Variants in ACER2 observed in about 807,000 individuals in gnomAD.
ACER2 encodes the protein alkCDase 2.
In ACER2, 26 loss-of-function variants were observed where a neutral mutation model predicts 34.7. The observed-to-expected ratio is 0.75, with a 90% CI of 0.55 to 1.04. ACER2 has a LOEUF of 1.04. ACER2 is among the 50% of genes least tolerant of loss of function. ACER2 has a pLI of 0.00. For synonymous variants in ACER2, 138 were observed against 132.1 expected (o/e 1.04, Z -0.31); for missense variants, 352 against 340.8 (o/e 1.03, Z -0.26).
chr9:19,411,847 C>A (rs1425176818), intron 1 of ACER2, among the ~76,000 whole-genome samples: 1 of 152,166 alleles, frequency 6.6e-6, no homozygotes, highest in African/African-American at 2.4e-5. Context: ...ATACTACTGT[C>A]TACCATTACT....
intron 5 of ACER2, among the ~76,000 whole-genome samples, chr9:19,449,670 G>A (rs923713284): frequency 2.6e-5 from 4 of 152,148 alleles, no homozygotes; most frequent in African/African-American, 7.2e-5. Context: ...GATTACCTGA[G>A]GTCAGGAGTT....
At chr9:19,409,711 T>C (rs1319616530) in intron 1 of ACER2, 2 of 981,760 alleles carry the variant, frequency 2.0e-6, no homozygotes, top group East Asian at 1.1e-4. Context: ...ATGCCTATAA[T>C]GGTCGAGTTA....
intron 1 of ACER2, among the ~76,000 whole-genome samples, chr9:19,411,853 T>C (rs1161643361): frequency 6.6e-6 from 1 of 152,204 alleles, no homozygotes; most frequent in African/African-American, 2.4e-5. Flanking sequence ...CTGTCTACCA[T>C]TACTTAATTG....
At chr9:19,435,696 G>C (rs1589056664) in intron 4 of ACER2, among the ~76,000 whole-genome samples, 1 of 152,074 alleles carries the variant, frequency 6.6e-6, no homozygotes, top group East Asian at 1.9e-4. Flanking sequence ...AAGTTGCAGT[G>C]AGCTGAGATC....
chr9:19,426,519 T>C (rs993376159), intron 3 of ACER2, among the ~76,000 whole-genome samples: 8 of 152,086 alleles, frequency 5.3e-5, no homozygotes, highest in African/African-American at 1.9e-4. Context: ...GGAATCGCTT[T>C]TCTCAGATAT....
At chr9:19,429,465 G>C (rs551378838) in intron 3 of ACER2, among the ~76,000 whole-genome samples, 190 of 152,104 alleles carry the variant, frequency 1.2e-3, no homozygotes, top group Middle Eastern at 6.8e-3. Context: ...CCAAGTGGCT[G>C]GGACCACAGC....
chr9:19,427,216 G>T (rs1830598472), intron 3 of ACER2, among the ~76,000 whole-genome samples: 1 of 152,202 alleles, frequency 6.6e-6, no homozygotes. Flanking sequence ...CATGGAGAGG[G>T]CTCAGTCAAA....
chr9:19,447,281 A>G (rs1831403602), intron 5 of ACER2, among the ~76,000 whole-genome samples: 1 of 152,206 alleles, frequency 6.6e-6, no homozygotes, highest in Admixed American at 6.5e-5. Flanking sequence ...TTAGATCTAG[A>G]TTCAGGAAAA....
At chr9:19,409,649 C>A in intron 1 of ACER2, 1 of 739,416 alleles carries the variant, frequency 1.4e-6, no homozygotes, top group Non-Finnish European at 1.7e-6. Flanking sequence ...CCCCGCAGGT[C>A]CCCGCGGCTG....
At position 19,451,800 on chromosome 9, in the gene ACER2, T is replaced by A. The variant is rs567865371; in HGVS notation, c.*1164T>A. ...GAAGTTTTTGGAAACGTTTTCTCAT[T>A]TGAAGCCTCCAGTATGCTGTACTAT... On this transcript the variant is annotated 3_prime_UTR_variant, in exon 6 of 6. Coordinates refer to ENST00000340967, the MANE Select transcript of ACER2 (RefSeq NM_001010887.3). 34 of 152,364 alleles carry A rather than the reference T, an allele frequency of 2.2e-4. No homozygotes were observed. Among genetic ancestry groups the A allele is most frequent in the African/African-American group, 8.2e-4 (34 of 41,590 alleles). The allele number at this position is 152,364 out of a possible 1,614,324, so 9.4% of individuals were successfully genotyped here. A position where few individuals can be genotyped will look rare whatever the true frequency, so the allele number is the denominator to read the frequency against.
intron 3 of ACER2, among the ~76,000 whole-genome samples, chr9:19,431,998 A>G (rs766002583): frequency 6.6e-6 from 1 of 152,228 alleles, no homozygotes; most frequent in Non-Finnish European, 1.5e-5. Context: ...AATTGAAGTC[A>G]TGAATGAGGC....
rs1339809048 is a variant in ACER2, at chr9:19,444,769, G to C, written c.504-1512G>C. The stretch of plus-strand genomic sequence containing the variant: ...GGCGAGGCATTCAAGGTAGAGAGTG[G>C]TAATCGAAAGCGAGAAATGGAAATT... On this transcript the variant is annotated intron_variant, in intron 4 of 5. Transcript: ENST00000340967. 2.0e-5 allele frequency among the ~76,000 whole-genome samples: 3 copies of C among 152,330 alleles called. No individual in the cohort carries two copies. In the East Asian group the frequency reaches 5.8e-4, roughly 29 times the overall value.
intron 1 of ACER2, chr9:19,409,737 A>G (rs1239397346): frequency 1.0e-6 from 1 of 984,962 alleles, no homozygotes; most frequent in Non-Finnish European, 1.2e-6. Flanking sequence ...GGTCAGAATC[A>G]AGTTAATTAC....
intron 4 of ACER2, among the ~76,000 whole-genome samples, chr9:19,444,053 C>T (rs1030287022): frequency 2.0e-5 from 3 of 150,956 alleles, no homozygotes; most frequent in African/African-American, 4.9e-5. Flanking sequence ...TGAGAGAATG[C>T]GCTAAGGCAG....
intron 3 of ACER2, among the ~76,000 whole-genome samples, chr9:19,434,602 C>G (rs1010224930): frequency 6.6e-6 from 1 of 152,260 alleles, no homozygotes; most frequent in African/African-American, 2.4e-5. Context: ...GAAACCCCGT[C>G]TCCACCAAAA....
intron 1 of ACER2, 73 bp downstream of exon 1, chr9:19,409,265 A>T: frequency 2.8e-6 from 4 of 1,444,248 alleles, no homozygotes; most frequent in Non-Finnish European, 3.8e-6. Context: ...AGCGTCTGGA[A>T]GCTGGACGTG....
At chr9:19,411,884 G>A (rs939460461) in intron 1 of ACER2, among the ~76,000 whole-genome samples, 18 of 152,102 alleles carry the variant, frequency 1.2e-4, no homozygotes, top group Admixed American at 1.1e-3. Flanking sequence ...AAGCTCTGCT[G>A]GGTACTGTAT....
intron 1 of ACER2, among the ~76,000 whole-genome samples, chr9:19,420,535 G>T (rs984892971): frequency 6.6e-6 from 1 of 152,160 alleles, no homozygotes; most frequent in African/African-American, 2.4e-5. Flanking sequence ...AACAAGTGTT[G>T]GCAAGGATGT....
chr9:19,448,330 C>G (rs980650761), intron 5 of ACER2, among the ~76,000 whole-genome samples: 1 of 151,916 alleles, frequency 6.6e-6, no homozygotes, highest in Non-Finnish European at 1.5e-5. Flanking sequence ...TTTTTTTTAA[C>G]CAAATACTTA....
Sources: allele counts gnomAD v4.1 joint callset (sites outside exome capture counted in the v4.1 genomes callset), GRCh38; gene constraint gnomAD v4.1.1; transcripts MANE v1.5; gene names NCBI Gene and HGNC (gene_info 2026-07-23, HGNC 2026-07-21).